The following GRXCR1 variants were observed in gnomAD, a reference collection of about 807,000 sequenced individuals.
GRXCR1 encodes glutaredoxin and cysteine rich domain containing 1, also known as glutaredoxin domain-containing cysteine-rich protein 1.
In GRXCR1, 27 loss-of-function variants were observed where a neutral mutation model predicts 27.3. The observed-to-expected ratio is 0.99, with a 90% CI of 0.73 to 1.37. The LOEUF (loss-of-function observed/expected upper bound fraction) is 1.37. Ranked by LOEUF, GRXCR1 falls within the 40% of genes most tolerant of loss-of-function variation. GRXCR1 has a pLI of 0.00. For synonymous variants in GRXCR1, 122 were observed against 131.1 expected, an observed-to-expected ratio of 0.93 and a Z score of 0.47; for missense variants, 379 against 354.4, an observed-to-expected ratio of 1.07 and a Z score of -0.56.
chr4:42,953,460 C>G (rs561096540), intron 1 of GRXCR1, among the ~76,000 whole-genome samples: 2 of 152,282 alleles, frequency 1.3e-5, no homozygotes, highest in East Asian at 3.9e-4. Flanking sequence ...AGCTACAATC[C>G]TAGCCACCAG....
chr4:42,923,517 G>T (rs1284310437), intron 1 of GRXCR1, among the ~76,000 whole-genome samples: 1 of 151,974 alleles, frequency 6.6e-6, no homozygotes, highest in Non-Finnish European at 1.5e-5. Flanking sequence ...CTTGATCTTT[G>T]CTTTTTGTGT....
intron 2 of GRXCR1, among the ~76,000 whole-genome samples, chr4:42,971,591 C>A (rs1176792650): frequency 6.6e-6 from 1 of 151,978 alleles, no homozygotes; most frequent in Admixed American, 6.6e-5. Flanking sequence ...GTTCCACCCA[C>A]GTTCAAAAAA....
chr4:42,915,068 A>G (rs976412556), intron 1 of GRXCR1, among the ~76,000 whole-genome samples: 4 of 152,154 alleles, frequency 2.6e-5, no homozygotes, highest in Admixed American at 1.3e-4. Context: ...GGATTTCTTC[A>G]TAGCAGCATG....
chr4:42,953,782 T>C (rs2109770453), intron 1 of GRXCR1, among the ~76,000 whole-genome samples: 1 of 152,250 alleles, frequency 6.6e-6, no homozygotes, highest in South Asian at 2.1e-4. Flanking sequence ...ATAGTGCTGA[T>C]ATGTGTCAAT....
chr4:42,916,840 C>T (rs115974546), intron 1 of GRXCR1, among the ~76,000 whole-genome samples: 4,275 of 152,016 alleles, frequency 0.028, 75 homozygotes, highest in South Asian at 0.063. Context: ...TTATTTTTGC[C>T]TGAATCAGTT....
chr4:43,007,270 A>C (rs1712592560), intron 2 of GRXCR1, among the ~76,000 whole-genome samples: 1 of 152,178 alleles, frequency 6.6e-6, no homozygotes, highest in Non-Finnish European at 1.5e-5. Flanking sequence ...TTAATGCAAG[A>C]AGGAGCTGGG....
chr4:43,025,705 G>A (rs1426710750), intron 3 of GRXCR1, among the ~76,000 whole-genome samples: 12 of 152,276 alleles, frequency 7.9e-5, no homozygotes, highest in African/African-American at 2.4e-4. Flanking sequence ...GGCCGGGCGC[G>A]GTGGCTCACG....
intron 2 of GRXCR1, among the ~76,000 whole-genome samples, chr4:43,018,443 A>G (rs1712999042): frequency 1.3e-5 from 2 of 152,224 alleles, no homozygotes; most frequent in East Asian, 3.8e-4. Flanking sequence ...TAACGTAAGC[A>G]AAGCCTGCAT....
chr4:42,908,367 T>A lies in GRXCR1; in HGVS notation c.384+14717T>A, dbSNP rs1259401417. 1.2e-4 allele frequency among the ~76,000 whole-genome samples: 18 copies of A among 152,168 alleles called. 1 individual carries two copies. ...GGTCATGCCAGAAGCTGCTTTTAAA[T>A]ACTGTGTAGCTATCTCCTGCATCTT... On this transcript the variant is annotated intron_variant, in intron 1 of 3. Coordinates refer to ENST00000399770, the MANE Select transcript of GRXCR1 (RefSeq NM_001080476.3).
intron 2 of GRXCR1, among the ~76,000 whole-genome samples, chr4:42,971,590 A>C (rs922366226): frequency 1.3e-5 from 2 of 152,020 alleles, no homozygotes; most frequent in Non-Finnish European, 2.9e-5. Context: ...AGTTCCACCC[A>C]CGTTCAAAAA....
chr4:42,914,688 T>C (rs1468183890), intron 1 of GRXCR1, among the ~76,000 whole-genome samples: 1 of 152,178 alleles, frequency 6.6e-6, no homozygotes, highest in Non-Finnish European at 1.5e-5. Context: ...TTTAGGGTTG[T>C]AATGATATGG....
chr4:42,972,514 C>G (rs1018007615), intron 2 of GRXCR1, among the ~76,000 whole-genome samples: 3 of 152,252 alleles, frequency 2.0e-5, no homozygotes, highest in Admixed American at 2.0e-4. Flanking sequence ...GTGATTGCTC[C>G]TCTGTCCCTT....
At chr4:42,914,370 A>G (rs940438176) in intron 1 of GRXCR1, among the ~76,000 whole-genome samples, 1 of 152,248 alleles carries the variant, frequency 6.6e-6, no homozygotes, top group Non-Finnish European at 1.5e-5. Context: ...CATGGAGTCA[A>G]AGAAGATCAT....
At chr4:42,894,080 C>T (rs1422042419) in intron 1 of GRXCR1, among the ~76,000 whole-genome samples, 4 of 152,030 alleles carry the variant, frequency 2.6e-5, no homozygotes, top group South Asian at 2.1e-4. Flanking sequence ...ATGAATTCAG[C>T]GAGGTTGGGT....
At chr4:43,002,048 A>G (rs1488507495) in intron 2 of GRXCR1, among the ~76,000 whole-genome samples, 1 of 152,216 alleles carries the variant, frequency 6.6e-6, no homozygotes, top group Non-Finnish European at 1.5e-5. Context: ...CTCGCCTCCC[A>G]CCATAGGGCG....
At chr4:42,978,706 T>C (rs1748580116) in intron 2 of GRXCR1, among the ~76,000 whole-genome samples, 1 of 152,084 alleles carries the variant, frequency 6.6e-6, no homozygotes, top group Non-Finnish European at 1.5e-5. Context: ...TAGAGTTTTT[T>C]AACAGCAATT....
chr4:42,996,789 AAAATAT>A (rs1157531200), intron 2 of GRXCR1, among the ~76,000 whole-genome samples: 1 of 151,998 alleles, frequency 6.6e-6, no homozygotes, highest in Non-Finnish European at 1.5e-5. Context: ...CTGACAAAAT[AAAATAT>A]AAAGTCTAAT....
chr4:42,945,309 G>A (rs1004610249), intron 1 of GRXCR1, among the ~76,000 whole-genome samples: 1 of 152,028 alleles, frequency 6.6e-6, no homozygotes, highest in Non-Finnish European at 1.5e-5. Flanking sequence ...TGACAGAAAT[G>A]TAAAAAAACC....
chr4:42,910,085 C>A (rs1280637821), intron 1 of GRXCR1, among the ~76,000 whole-genome samples: 3 of 152,118 alleles, frequency 2.0e-5, no homozygotes, highest in Admixed American at 6.6e-5. Flanking sequence ...GCAAGTACAT[C>A]TTACATGGCA....
Sources: gnomAD v4.1 joint callset for allele counts (sites outside exome capture counted in the v4.1 genomes callset) on GRCh38, gnomAD v4.1.1 for gene constraint, MANE v1.5 for transcripts, NCBI Gene and HGNC (gene_info 2026-07-23, HGNC 2026-07-21) for gene names.